The following MPP4 variants were observed in gnomAD, a reference collection of about 807,000 sequenced individuals.
MPP4 encodes MAGUK p55 subfamily member 4.
A neutral mutation model predicts 98.3 loss-of-function variants in MPP4; 91 were observed. That is an observed-to-expected ratio of 0.93 (90% confidence interval 0.78 to 1.10). The LOEUF (loss-of-function observed/expected upper bound fraction) is 1.10. Among genes scored for constraint, MPP4 ranks in the 50% least tolerant of loss-of-function variants. The pLI is 0.00. For synonymous variants in MPP4, 261 were observed against 271.8 expected, an observed-to-expected ratio of 0.96 and a Z score of 0.39; for missense variants, 744 against 792.9, an observed-to-expected ratio of 0.94 and a Z score of 0.74.
chr2:201,678,934 G>A (rs536142326), intron 10 of MPP4, among the ~76,000 whole-genome samples: 11 of 152,096 alleles, frequency 7.2e-5, no homozygotes, highest in African/African-American at 2.7e-4. Flanking sequence ...CTGGCCTATT[G>A]GGTGCTTGAT....
chr2:201,675,295 GACAAAAA>G, intron 10 of MPP4, 24 bp from the exon 11 acceptor site: 2 of 1,594,986 alleles, frequency 1.3e-6, no homozygotes, highest in South Asian at 2.3e-5. Context: ...AAAACCATGC[GACAAAAA>G]ACAAACAAAA....
chr2:201,655,569 T>C (rs1265682051), intron 17 of MPP4, among the ~76,000 whole-genome samples: 1 of 152,222 alleles, frequency 6.6e-6, no homozygotes, highest in Non-Finnish European at 1.5e-5. Flanking sequence ...AGGCACATCG[T>C]TCTGCTCTAC....
At chr2:201,698,352 T>G (rs566466757) in intron 1 of MPP4, among the ~76,000 whole-genome samples, 1 of 152,328 alleles carries the variant, frequency 6.6e-6, no homozygotes, top group East Asian at 1.9e-4. Flanking sequence ...AAATGCCCAT[T>G]GTACTCAATC....
chr2:201,695,127 C>T (rs578089415), intron 1 of MPP4, among the ~76,000 whole-genome samples: 1 of 152,068 alleles, frequency 6.6e-6, no homozygotes, highest in Non-Finnish European at 1.5e-5. Context: ...GGCAGCCTTG[C>T]TCCACGAAGT....
At chr2:201,651,647 C>A in intron 18 of MPP4, 1 of 985,288 alleles carries the variant, frequency 1.0e-6, no homozygotes, top group Non-Finnish European at 1.2e-6. Flanking sequence ...TATTTTTATT[C>A]AGACTATCGA....
chr2:201,666,336 G>C lies in MPP4; in HGVS notation c.1049C>G (p.Ala350Gly), dbSNP rs1373797199. ...AAGCAATCAAGAGAAAATGTTACCT[G>C]CTTCCACACATTTCTCATCAATCTT... ...DMKIDEKCVE[A>G]DEETFESEEL... The change falls in exon 13 of 22, where the codon GCA (alanine) becomes GGA (glycine). Residue 350 changes from alanine to glycine, a missense_variant and splice_region_variant. By Grantham distance (60) the Ala-to-Gly change is moderately conservative (BLOSUM62 0). Transcript: ENST00000409474. 4.5e-6 allele frequency: 7 copies of C among 1,555,798 alleles called. No individual in the cohort carries two copies. The highest frequency in any genetic ancestry group is 5.2e-6 in the Non-Finnish European group (6 of 1,149,620).
At chr2:201,670,565 G>A (rs1216349298) in intron 11 of MPP4, among the ~76,000 whole-genome samples, 1 of 151,984 alleles carries the variant, frequency 6.6e-6, no homozygotes, top group Non-Finnish European at 1.5e-5. Context: ...GGCCACATAA[G>A]CAAATTAAAT....
At chr2:201,694,608 C>CTTTTTTTTTTTT (rs777556505) in intron 1 of MPP4, among the ~76,000 whole-genome samples, 8 of 78,870 alleles carry the variant, frequency 1.0e-4, no homozygotes, top group African/African-American at 3.7e-4. Context: ...TTCTTTTTCC[C>CTTTTTTTTTTTT]TTTTTTTTTT....
intron 15 of MPP4, among the ~76,000 whole-genome samples, chr2:201,659,016 C>T (rs956109377): frequency 6.6e-6 from 1 of 152,148 alleles, no homozygotes; most frequent in African/African-American, 2.4e-5. Context: ...CTGCCTCAGC[C>T]TCCCGAGTTG....
At chr2:201,658,217 C>T (rs774110708) in intron 16 of MPP4, among the ~76,000 whole-genome samples, 34 of 151,694 alleles carry the variant, frequency 2.2e-4, no homozygotes, top group African/African-American at 3.6e-4. Context: ...AAATAGGTTA[C>T]GAAACAGTCT....
intron 1 of MPP4, among the ~76,000 whole-genome samples, chr2:201,694,781 C>T (rs1002783222): frequency 2.6e-5 from 4 of 151,580 alleles, no homozygotes; most frequent in Non-Finnish European, 4.4e-5. Flanking sequence ...CCACCACACT[C>T]GGCTAATTTT....
intron 15 of MPP4, among the ~76,000 whole-genome samples, chr2:201,659,592 G>T (rs542000943): frequency 6.6e-6 from 1 of 152,248 alleles, no homozygotes; most frequent in South Asian, 2.1e-4. Context: ...TAGCACTTTG[G>T]GAGGCCGAGG....
intron 15 of MPP4, among the ~76,000 whole-genome samples, chr2:201,658,921 C>A (rs538585894): frequency 2.0e-5 from 3 of 152,010 alleles, no homozygotes; most frequent in Non-Finnish European, 2.9e-5. Flanking sequence ...CCCTGCCTAC[C>A]CCCCTGCTGT....
At chr2:201,654,726 T>C (rs1687808010) in intron 18 of MPP4, 111 bp downstream of exon 18, 1 of 596,214 alleles carries the variant, frequency 1.7e-6, no homozygotes, top group African/African-American at 1.9e-5. Flanking sequence ...TTAAGAACTA[T>C]CCCTGGTGTT....
intron 15 of MPP4, 118 bp downstream of exon 15, chr2:201,660,214 C>T (rs1687986217): frequency 6.8e-6 from 7 of 1,023,544 alleles, no homozygotes; most frequent in Non-Finnish European, 4.4e-6. Flanking sequence ...AAACCATAAA[C>T]AACAACAAAT....
rs567738875 is a variant in MPP4, at chr2:201,688,804, A to G, written c.279+1398T>C. Among the ~76,000 whole-genome samples, 79 of 151,942 alleles carry G rather than the reference A, an allele frequency of 5.2e-4. 1 individual carries two copies. Among genetic ancestry groups the G allele is most frequent in the South Asian group, 1.9e-3 (9 of 4,790 alleles). Reference sequence around the variant, plus strand: ...TGTTGTTGTTGTATTTTTAGTGGAGATGGGGTTTCGCTATGTTGGCCAGGC... The same window carrying G: ...TGTTGTTGTTGTATTTTTAGTGGAGGTGGGGTTTCGCTATGTTGGCCAGGC... On this transcript the variant is annotated intron_variant, in intron 4 of 21. Transcript: ENST00000409474.
In MPP4 at chr2:201,675,269, T is replaced by C; in HGVS notation, c.932A>G (p.Lys311Arg). 1 of 1,607,742 alleles carries C rather than the reference T, an allele frequency of 6.2e-7. No homozygotes were observed. Among genetic ancestry groups the C allele is most frequent in the African/African-American group, 1.3e-5 (1 of 74,916 alleles). The change falls in exon 11 of 22, where the codon AAG becomes AGG. Residue 311 changes from lysine to arginine, a missense_variant and splice_region_variant. Coordinates refer to ENST00000409474, the MANE Select transcript of MPP4 (RefSeq NM_033066.3). ...CTGAGACCACCAGAATTCCCGTTGC[T>C]TCCTATGGGGGGGAAAAAACCATGC... ...LVPSNHLLKRKQREFWWSQPY... is the reference protein window; with the variant it reads ...LVPSNHLLKRRQREFWWSQPY...
At chr2:201,697,955 C>A (rs1205682597) in intron 1 of MPP4, 3 of 985,306 alleles carry the variant, frequency 3.0e-6, no homozygotes, top group South Asian at 9.4e-5. Context: ...ACTTCTGTAC[C>A]AAATTTGTCA....
At position 201,685,050 on chromosome 2, in the gene MPP4, C is replaced by A. The variant is rs749700301; in HGVS notation, c.574+14G>T. 1 of 1,608,522 alleles carries A rather than the reference C, an allele frequency of 6.2e-7. No homozygotes were observed. ...TTTTTCTGGTAACTCTCAATCCCAG[C>A]TGCTCCAGCTTACCACTTCTCTCCG... On this transcript the variant is annotated intron_variant, in intron 7 of 21. Transcript: ENST00000409474.
Sources: allele counts gnomAD v4.1 joint callset (sites outside exome capture counted in the v4.1 genomes callset), GRCh38; gene constraint gnomAD v4.1.1; transcripts MANE v1.5; gene names NCBI Gene and HGNC (gene_info 2026-07-23, HGNC 2026-07-21).